The following HS2ST1 variants were observed in gnomAD, a reference collection of about 807,000 sequenced individuals.
The protein encoded by HS2ST1 is 2-O-sulfotransferase.
HS2ST1 carries 18 observed loss-of-function variants against 42.9 expected under a neutral mutation model. The observed-to-expected ratio is 0.42, with a 90% CI of 0.29 to 0.62. HS2ST1 has a LOEUF of 0.62. HS2ST1 is among the 20% of genes least tolerant of loss of function. The probability of loss-of-function intolerance (pLI) is 0.21; values close to 1 mark genes in which losing one functional copy is unlikely to be tolerated. For synonymous variants in HS2ST1, 146 were observed against 152.9 expected (o/e 0.95, Z 0.33); for missense variants, 334 against 433.8 (o/e 0.77, Z 2.04).
chr1:86,963,839 C>A lies in HS2ST1; in HGVS notation c.124+48679C>A, dbSNP rs1219124127. Among the ~76,000 whole-genome samples the A allele has an allele frequency of 6.9e-5, 10 of 145,738 alleles. No individual in the cohort carries two copies. In the South Asian group the frequency reaches 2.2e-3, roughly 32 times the overall value. On this transcript the variant is annotated intron_variant, in intron 1 of 6. Transcript: ENST00000370550. ...GGGGCGGCTGGCCGGGCGGGGGCTGCCCCCCACCTCCCGCCCGGACGGGGT... is the reference window on the plus strand; with the variant it reads ...GGGGCGGCTGGCCGGGCGGGGGCTGACCCCCACCTCCCGCCCGGACGGGGT...
intron 1 of HS2ST1, among the ~76,000 whole-genome samples, chr1:87,056,794 A>G (rs1213422526): frequency 6.6e-6 from 1 of 152,238 alleles, no homozygotes; most frequent in African/African-American, 2.4e-5. Context: ...ATGACAGTGC[A>G]AAGTATATCA....
intron 1 of HS2ST1, among the ~76,000 whole-genome samples, chr1:87,061,445 T>C (rs1453003302): frequency 1.3e-5 from 2 of 152,138 alleles, no homozygotes; most frequent in Non-Finnish European, 2.9e-5. Context: ...TATTAATATA[T>C]ACTGTTTCAT....
chr1:86,917,165 A>G (rs904691472), intron 1 of HS2ST1, among the ~76,000 whole-genome samples: 1 of 152,176 alleles, frequency 6.6e-6, no homozygotes, highest in Non-Finnish European at 1.5e-5. Flanking sequence ...TTTGACAACC[A>G]TATTCTGTAC....
intron 1 of HS2ST1, among the ~76,000 whole-genome samples, chr1:86,977,267 C>T (rs1472964038): frequency 6.6e-6 from 1 of 152,110 alleles, no homozygotes; most frequent in African/African-American, 2.4e-5. Flanking sequence ...ACAATGTATA[C>T]ACTAGTAGTC....
intron 1 of HS2ST1, among the ~76,000 whole-genome samples, chr1:86,957,750 A>G (rs1391068859): frequency 6.6e-6 from 1 of 151,980 alleles, no homozygotes; most frequent in African/African-American, 2.4e-5. Context: ...TAATTTTTAA[A>G]GTATTGAAAT....
At chr1:87,004,816 G>A (rs1649389713) in intron 1 of HS2ST1, among the ~76,000 whole-genome samples, 1 of 152,138 alleles carries the variant, frequency 6.6e-6, no homozygotes, top group Non-Finnish European at 1.5e-5. Flanking sequence ...GTCATATAGT[G>A]CATATTCTCA....
In HS2ST1 at chr1:87,107,026, T is replaced by C. The variant is rs927815794; in HGVS notation, c.*2330T>C. 6.6e-6 allele frequency: 1 copy of C among 152,042 alleles called. No individual in the cohort carries two copies. The highest frequency in any genetic ancestry group is 1.5e-5 in the Non-Finnish European group (1 of 67,912). 9.4% of individuals were successfully genotyped at this position (152,042 alleles called of 1,614,324 possible). On this transcript the variant is annotated 3_prime_UTR_variant, in exon 7 of 7. Coordinates refer to ENST00000370550, the MANE Select transcript of HS2ST1 (RefSeq NM_012262.4). ...TGCCATTTTACCACAAAAGCAGCAA[T>C]AGACATTATGTAAACAAATGAGCAC...
intron 1 of HS2ST1, among the ~76,000 whole-genome samples, chr1:86,926,843 A>G (rs1660432535): frequency 6.6e-6 from 1 of 152,246 alleles, no homozygotes; most frequent in South Asian, 2.1e-4. Flanking sequence ...GTTAACTGAA[A>G]GTTAGGCGAG....
intron 1 of HS2ST1, among the ~76,000 whole-genome samples, chr1:86,979,210 C>T (rs764124185): frequency 1.3e-5 from 2 of 152,080 alleles, no homozygotes; most frequent in Admixed American, 6.5e-5. Flanking sequence ...ATAAAATATA[C>T]GTAAAACTTG....
chr1:86,978,968 C>G (rs985084723), intron 1 of HS2ST1, among the ~76,000 whole-genome samples: 1 of 147,926 alleles, frequency 6.8e-6, no homozygotes, highest in African/African-American at 2.5e-5. Flanking sequence ...CTCAAGCGAT[C>G]CTCCCACCTC....
intron 1 of HS2ST1, among the ~76,000 whole-genome samples, chr1:87,005,785 G>A (rs912057330): frequency 1.3e-5 from 2 of 152,088 alleles, no homozygotes; most frequent in South Asian, 2.1e-4. Context: ...CCAAAATTTG[G>A]TGTACTTTGA....
chr1:86,924,913 G>A (rs1263655929), intron 1 of HS2ST1, among the ~76,000 whole-genome samples: 1 of 152,144 alleles, frequency 6.6e-6, no homozygotes, highest in African/African-American at 2.4e-5. Context: ...AGTGGGCTTG[G>A]ATTTCTCCTG....
Position 86,928,325 on chromosome 1 carries a change from A to T in HS2ST1, c.124+13165A>T, listed in dbSNP as rs1367086674. Among the ~76,000 whole-genome samples the T allele has an allele frequency of 2.0e-5, 3 of 152,030 alleles. No homozygotes were observed. In the East Asian group the frequency reaches 5.8e-4, roughly 29 times the overall value. ...TGAATTACTGGATTAAAATCAATAA[A>T]ATCCTTCTTCAACCTTGCATTTGAT... is the stretch of plus-strand genomic sequence containing the variant. On this transcript the variant is annotated intron_variant, in intron 1 of 6. Coordinates refer to ENST00000370550, the MANE Select transcript of HS2ST1 (RefSeq NM_012262.4).
chr1:87,016,304 A>G (rs1649756996), intron 1 of HS2ST1, among the ~76,000 whole-genome samples: 1 of 152,156 alleles, frequency 6.6e-6, no homozygotes, highest in African/African-American at 2.4e-5. Context: ...AGGATATTTA[A>G]CCTTGAGCTC....
chr1:86,940,251 A>G (rs565511978), intron 1 of HS2ST1, among the ~76,000 whole-genome samples: 3 of 152,216 alleles, frequency 2.0e-5, no homozygotes, highest in South Asian at 2.1e-4. Context: ...GTGTGTGCCT[A>G]TAGACCCAGT....
At chr1:86,933,767 A>G (rs1185956182) in intron 1 of HS2ST1, among the ~76,000 whole-genome samples, 5 of 150,950 alleles carry the variant, frequency 3.3e-5, no homozygotes, top group Admixed American at 2.0e-4. Flanking sequence ...ACTGAGATAA[A>G]CAGGCCTTTA....
chr1:87,006,999 CTAAG>C (rs1310812569), intron 1 of HS2ST1, among the ~76,000 whole-genome samples: 8 of 152,002 alleles, frequency 5.3e-5, no homozygotes, highest in African/African-American at 9.7e-5. Context: ...ATATTTTAGA[CTAAG>C]TGAGTAATGC....
At chr1:86,953,239 G>A (rs190833840) in intron 1 of HS2ST1, among the ~76,000 whole-genome samples, 19 of 152,318 alleles carry the variant, frequency 1.2e-4, no homozygotes, top group Admixed American at 7.8e-4. Flanking sequence ...TTGCTCTGGG[G>A]TAGGCTTTGA....
At chr1:87,067,157 A>T (rs1651274501) in intron 1 of HS2ST1, among the ~76,000 whole-genome samples, 1 of 152,196 alleles carries the variant, frequency 6.6e-6, no homozygotes, top group Non-Finnish European at 1.5e-5. Context: ...ATTGTTTTCC[A>T]CAATGGTTGA....
Sources: allele counts gnomAD v4.1 joint callset (sites outside exome capture counted in the v4.1 genomes callset), GRCh38; gene constraint gnomAD v4.1.1; transcripts MANE v1.5; gene names NCBI Gene and HGNC (gene_info 2026-07-23, HGNC 2026-07-21).